RBFOX1: variants seen among roughly 807,000 people sequenced by gnomAD.
RBFOX1 encodes RNA binding protein fox-1 homolog 1.
A neutral mutation model predicts 57.7 loss-of-function variants in RBFOX1; 8 were observed. That is an observed-to-expected ratio of 0.14 (90% confidence interval 0.08 to 0.25). The LOEUF is 0.25. Among genes scored for constraint, RBFOX1 ranks in the 10% least tolerant of loss-of-function variants. The probability of loss-of-function intolerance (pLI) is 1.00; values close to 1 mark genes in which losing one functional copy is unlikely to be tolerated. For synonymous variants in RBFOX1, 326 were observed against 222.4 expected, an observed-to-expected ratio of 1.47 and a Z score of -4.15; for missense variants, 611 against 548.5, an observed-to-expected ratio of 1.11 and a Z score of -1.14.
chr16:7,379,340 A>G (rs1346282478), intron 4 of RBFOX1, among the ~76,000 whole-genome samples: 1 of 152,208 alleles, frequency 6.6e-6, no homozygotes, highest in Non-Finnish European at 1.5e-5. Context: ...TAACAGTATT[A>G]TCTGATGGAG....
chr16:7,226,916 T>C (rs1233787119), intron 4 of RBFOX1, among the ~76,000 whole-genome samples: 1 of 152,206 alleles, frequency 6.6e-6, no homozygotes, highest in East Asian at 1.9e-4. Context: ...TTCATCTGTG[T>C]GTCTATATGT....
chr16:6,860,616 T>A (rs2058823427), intron 3 of RBFOX1, among the ~76,000 whole-genome samples: 1 of 152,086 alleles, frequency 6.6e-6, no homozygotes, highest in Non-Finnish European at 1.5e-5. Context: ...AGCAAAACAT[T>A]AGGAAGACAA....
At chr16:7,460,389 A>ATATCTATATATATATATATATATGTGTG in intron 4 of RBFOX1, among the ~76,000 whole-genome samples, 1 of 87,264 alleles carries the variant, frequency 1.1e-5, no homozygotes, top group African/African-American at 6.5e-5. Flanking sequence ...ATATATATAT[A>ATATCTATATATATATATATATATGTGTG]TGTGTGTGTG....
intron 3 of RBFOX1, among the ~76,000 whole-genome samples, chr16:6,886,055 ATTTT>A (rs71147619): frequency 0.17 from 25,004 of 144,672 alleles, 2,603 homozygotes; most frequent in East Asian, 0.29. Context: ...CAGTGAAAGT[ATTTT>A]TTTTTTCTTT....
At chr16:5,611,705 C>CCCATCCGTCCATCTAT (rs772335203) in intron 3 of RBFOX1, among the ~76,000 whole-genome samples, 11,402 of 99,258 alleles carry the variant, frequency 0.11, 706 homozygotes, top group African/African-American at 0.15. Flanking sequence ...CACCCACTCT[C>CCCATCCGTCCATCTAT]CCATCCATCC....
At chr16:6,532,170 A>C (rs1420055) in intron 2 of RBFOX1, among the ~76,000 whole-genome samples, 150,353 of 152,228 alleles carry the variant, frequency 0.99, 74,288 homozygotes, top group Middle Eastern at 1. Context: ...TAAGATGTCA[A>C]AGAAAGTTCC....
intron 2 of RBFOX1, among the ~76,000 whole-genome samples, chr16:6,521,049 C>G (rs1243576129): frequency 1.3e-5 from 2 of 152,048 alleles, no homozygotes; most frequent in South Asian, 4.1e-4. Context: ...ATGTTTAGAT[C>G]CTTTAATCAA....
intron 4 of RBFOX1, among the ~76,000 whole-genome samples, chr16:7,227,402 C>G (rs931870280): frequency 4.0e-5 from 6 of 151,584 alleles, no homozygotes; most frequent in African/African-American, 7.2e-5. Flanking sequence ...ACCTTCAACT[C>G]CACAATGCAG....
chr16:6,563,586 G>C (rs951024808), intron 2 of RBFOX1, among the ~76,000 whole-genome samples: 1 of 152,164 alleles, frequency 6.6e-6, no homozygotes, highest in Admixed American at 6.5e-5. Flanking sequence ...GCTCACGCCT[G>C]TACTTCCAGC....
chr16:5,920,058 C>T (rs772930814), intron 4 of RBFOX1, among the ~76,000 whole-genome samples: 3 of 152,204 alleles, frequency 2.0e-5, no homozygotes, highest in Non-Finnish European at 4.4e-5. Flanking sequence ...CTCAGCCTCC[C>T]GAGTAGCGGG....
intron 4 of RBFOX1, among the ~76,000 whole-genome samples, chr16:7,210,280 A>G (rs907838477): frequency 2.0e-5 from 3 of 152,162 alleles, no homozygotes; most frequent in Non-Finnish European, 4.4e-5. Flanking sequence ...AGCAATTCAG[A>G]AATCCATGGG....
chr16:7,428,802 C>T (rs1598223432), intron 4 of RBFOX1, among the ~76,000 whole-genome samples: 1 of 152,004 alleles, frequency 6.6e-6, no homozygotes, highest in East Asian at 1.9e-4. Flanking sequence ...AATTCACTTC[C>T]CCTCTCTGAG....
chr16:7,205,447 G>C, intron 4 of RBFOX1, among the ~76,000 whole-genome samples: 1 of 151,708 alleles, frequency 6.6e-6, no homozygotes, highest in South Asian at 2.1e-4. Flanking sequence ...GAACCCAGGA[G>C]GTGGAGGTTG....
chr16:7,514,805 A>G (rs1444290497), intron 4 of RBFOX1, among the ~76,000 whole-genome samples: 1 of 152,194 alleles, frequency 6.6e-6, no homozygotes, highest in African/African-American at 2.4e-5. Flanking sequence ...GAAGTCTACA[A>G]GGAGCCTTAG....
chr16:6,113,731 G>A (rs1278243897), intron 1 of RBFOX1, among the ~76,000 whole-genome samples: 1 of 152,210 alleles, frequency 6.6e-6, no homozygotes, highest in African/African-American at 2.4e-5. Flanking sequence ...GGAGTTATGG[G>A]AGTGGCAGAA....
At chr16:6,846,222 G>C (rs1353718142) in intron 3 of RBFOX1, among the ~76,000 whole-genome samples, 6 of 152,294 alleles carry the variant, frequency 3.9e-5, no homozygotes, top group Non-Finnish European at 8.8e-5. Context: ...GTGTGTGCAT[G>C]TTTTCAGTCT....
chr16:5,927,950 A>G (rs1023702576), intron 4 of RBFOX1, among the ~76,000 whole-genome samples: 1 of 152,212 alleles, frequency 6.6e-6, no homozygotes, highest in Admixed American at 6.5e-5. Context: ...CTGGGGCAGG[A>G]GCTGGAGGTT....
At chr16:7,666,623 AAAG>A in intron 13 of RBFOX1, among the ~76,000 whole-genome samples, 1 of 152,174 alleles carries the variant, frequency 6.6e-6, no homozygotes, top group South Asian at 2.1e-4. Flanking sequence ...AAATAAGGAA[AAAG>A]AAGGGACTCA....
At chr16:5,820,297 G>C (rs767725379) in intron 3 of RBFOX1, among the ~76,000 whole-genome samples, 1 of 152,154 alleles carries the variant, frequency 6.6e-6, no homozygotes, top group Non-Finnish European at 1.5e-5. Context: ...GGCACATCAC[G>C]TGGAATAGGG....
Sources: gnomAD v4.1 joint callset for allele counts (sites outside exome capture counted in the v4.1 genomes callset) on GRCh38, gnomAD v4.1.1 for gene constraint, MANE v1.5 for transcripts, NCBI Gene and HGNC (gene_info 2026-07-23, HGNC 2026-07-21) for gene names.